The following PPM1L variants were observed in gnomAD, a reference collection of about 807,000 sequenced individuals.
PPM1L encodes protein phosphatase 1L.
Under a neutral mutation model 31.4 loss-of-function variants are expected in PPM1L, and 13 were observed. The observed-to-expected ratio is 0.41, with a 90% CI of 0.27 to 0.66. The LOEUF is 0.66. Among genes scored for constraint, PPM1L ranks in the 30% least tolerant of loss-of-function variants. The pLI is 0.29. For synonymous variants in PPM1L, 184 were observed against 175.4 expected, an observed-to-expected ratio of 1.05 and a Z score of -0.39; for missense variants, 326 against 453.7, an observed-to-expected ratio of 0.72 and a Z score of 2.56.
intron 1 of PPM1L, among the ~76,000 whole-genome samples, chr3:160,777,151 C>T (rs1000402268): frequency 2.0e-4 from 30 of 151,698 alleles, no homozygotes; most frequent in African/African-American, 6.5e-4. Flanking sequence ...AGTGAGACCT[C>T]ATCTCTACAA....
intron 2 of PPM1L, among the ~76,000 whole-genome samples, chr3:161,010,806 G>T (rs1002115982): frequency 6.6e-6 from 1 of 152,108 alleles, no homozygotes; most frequent in African/African-American, 2.4e-5. Flanking sequence ...GTGTCTGTTG[G>T]CTGCATAAAT....
At chr3:161,007,939 A>G (rs191509230) in intron 2 of PPM1L, among the ~76,000 whole-genome samples, 1 of 152,302 alleles carries the variant, frequency 6.6e-6, no homozygotes, top group Non-Finnish European at 1.5e-5. Flanking sequence ...ACCAGATGGT[A>G]TTGTCGGGGC....
chr3:160,858,277 C>T (rs1163406438), intron 1 of PPM1L, among the ~76,000 whole-genome samples: 3 of 151,880 alleles, frequency 2.0e-5, no homozygotes, highest in Admixed American at 1.3e-4. Flanking sequence ...TCTTTCTTCT[C>T]GCTCTGTCAT....
chr3:161,042,487 C>A (rs964342093), intron 2 of PPM1L, among the ~76,000 whole-genome samples: 4 of 152,188 alleles, frequency 2.6e-5, no homozygotes, highest in African/African-American at 9.7e-5. Context: ...CCTTCAGGGG[C>A]TACACAAGGC....
intron 1 of PPM1L, among the ~76,000 whole-genome samples, chr3:160,850,528 T>C (rs965081420): frequency 1.3e-5 from 2 of 152,154 alleles, no homozygotes; most frequent in Non-Finnish European, 2.9e-5. Flanking sequence ...CTTTGGGGGT[T>C]GAGGCTGAAA....
intron 1 of PPM1L, among the ~76,000 whole-genome samples, chr3:160,844,008 A>G (rs973524960): frequency 1.3e-5 from 2 of 152,202 alleles, no homozygotes; most frequent in Non-Finnish European, 2.9e-5. Flanking sequence ...AATGTAGTTT[A>G]TGTGTAACTC....
chr3:160,786,991 A>G lies in PPM1L; in HGVS notation c.399+30284A>G, dbSNP rs529735966. Among the ~76,000 whole-genome samples the G allele has an allele frequency of 8.5e-5, 13 of 152,114 alleles. No homozygotes were observed. The South Asian group carries it at 1.5e-3, about 17-fold the overall frequency. On this transcript the variant is annotated intron_variant, in intron 1 of 3. Transcript: ENST00000498165. ...GTTATATAGGTACCACATTTTCTTT[A>G]TTCTATCCATCATTGAGGGGCATCT...
At chr3:160,984,611 A>G (rs1023724392) in intron 2 of PPM1L, among the ~76,000 whole-genome samples, 4 of 152,222 alleles carry the variant, frequency 2.6e-5, no homozygotes, top group African/African-American at 9.6e-5. Context: ...ATAAATGTCC[A>G]TGAAATCTTC....
intron 2 of PPM1L, among the ~76,000 whole-genome samples, chr3:161,002,797 A>C (rs1717544434): frequency 7.2e-6 from 1 of 138,830 alleles, no homozygotes; most frequent in Non-Finnish European, 1.5e-5. Flanking sequence ...TTGCCTGTTC[A>C]CTCTGATGGT....
chr3:160,894,190 G>A (rs1713256275), intron 1 of PPM1L, among the ~76,000 whole-genome samples: 1 of 152,174 alleles, frequency 6.6e-6, no homozygotes. Context: ...GCCTATTGCT[G>A]TTTTAATATC....
At chr3:161,067,627 T>A (rs1277840714) in intron 3 of PPM1L, among the ~76,000 whole-genome samples, 4 of 152,366 alleles carry the variant, frequency 2.6e-5, no homozygotes, top group East Asian at 1.9e-4. Flanking sequence ...GTTGATAATA[T>A]TATTCTCATT....
chr3:160,906,001 T>C (rs546806688), intron 1 of PPM1L, among the ~76,000 whole-genome samples: 1 of 152,258 alleles, frequency 6.6e-6, no homozygotes, highest in Non-Finnish European at 1.5e-5. Flanking sequence ...TTTGGGCTTC[T>C]ATTCATTGAA....
chr3:160,948,360 A>G (rs1196880099), intron 1 of PPM1L, among the ~76,000 whole-genome samples: 2 of 152,146 alleles, frequency 1.3e-5, no homozygotes, highest in Non-Finnish European at 2.9e-5. Context: ...CCTTGTTTGC[A>G]TAGTTATGCA....
chr3:160,786,690 C>T (rs756199632), intron 1 of PPM1L, among the ~76,000 whole-genome samples: 3 of 151,322 alleles, frequency 2.0e-5, no homozygotes, highest in Non-Finnish European at 4.4e-5. Context: ...ATTATTCCAT[C>T]ACCCAGGTAG....
intron 1 of PPM1L, among the ~76,000 whole-genome samples, chr3:160,923,044 A>T (rs1714466744): frequency 6.6e-6 from 1 of 152,214 alleles, no homozygotes; most frequent in Admixed American, 6.5e-5. Flanking sequence ...GTTGCTGTAG[A>T]ATTAACATGG....
chr3:160,882,313 G>A (rs956587308), intron 1 of PPM1L: 1 of 152,102 alleles, frequency 6.6e-6, no homozygotes, highest in African/African-American at 2.4e-5. Flanking sequence ...ATCTCATCTG[G>A]CGCAGGGTAA....
chr3:160,948,088 T>G (rs1444613493), intron 1 of PPM1L, among the ~76,000 whole-genome samples: 3 of 152,146 alleles, frequency 2.0e-5, no homozygotes, highest in Non-Finnish European at 4.4e-5. Context: ...ATAGTCGACA[T>G]CCAATAAATA....
intron 2 of PPM1L, among the ~76,000 whole-genome samples, chr3:160,993,173 T>G (rs1054942658): frequency 2.6e-5 from 4 of 152,174 alleles, no homozygotes; most frequent in Non-Finnish European, 5.9e-5. Context: ...TAGCTGATAT[T>G]ATATGCTAAT....
In PPM1L at chr3:160,782,097, T is replaced by A. The variant is rs138890135; in HGVS notation, c.399+25390T>A. On this transcript the variant is annotated intron_variant, in intron 1 of 3. Transcript: ENST00000498165. ...CTTTATAGCCATTACCACTGTCTAC[T>A]TCTAGAGCATTCTCTTCACTCCAAG... is the stretch of plus-strand genomic sequence containing the variant. 7.7e-3 allele frequency among the ~76,000 whole-genome samples: 1,179 copies of A among 152,314 alleles called. 4 individuals are homozygous for A. The highest frequency in any genetic ancestry group is 0.027 in the Middle Eastern group (8 of 294).
Sources: allele counts gnomAD v4.1 joint callset (sites outside exome capture counted in the v4.1 genomes callset), GRCh38; gene constraint gnomAD v4.1.1; transcripts MANE v1.5; gene names NCBI Gene and HGNC (gene_info 2026-07-23, HGNC 2026-07-21).